The following ADARB1 variants were observed in gnomAD, a reference collection of about 807,000 sequenced individuals.
ADARB1 encodes adenosine deaminase RNA specific B1, also known as double-stranded RNA-specific editase 1.
A neutral mutation model predicts 52.4 loss-of-function variants in ADARB1; 10 were observed. The observed-to-expected ratio is 0.19, with a 90% CI of 0.12 to 0.32. The LOEUF is 0.32. Among genes scored for constraint, ADARB1 ranks in the 10% least tolerant of loss-of-function variants. ADARB1 has a pLI of 1.00. For missense variants in ADARB1, 643 were observed against 922.3 expected, an observed-to-expected ratio of 0.70 and a Z score of 3.92; for synonymous variants, 349 against 371.1, an observed-to-expected ratio of 0.94 and a Z score of 0.68.
intron 8 of ADARB1, among the ~76,000 whole-genome samples, chr21:45,198,046 G>A (rs1488243673): frequency 1.3e-5 from 2 of 152,098 alleles, no homozygotes; most frequent in African/African-American, 2.4e-5. Context: ...AGTAACTCCA[G>A]GGGAAGAAAT....
intron 2 of ADARB1, among the ~76,000 whole-genome samples, chr21:45,170,852 T>C (rs1467900692): frequency 6.6e-6 from 1 of 152,228 alleles, no homozygotes; most frequent in East Asian, 1.9e-4. Flanking sequence ...ACTCTTAAAT[T>C]TGTTAGTAAC....
intron 2 of ADARB1, chr21:45,144,856 T>A (rs2089928882): frequency 1.6e-5 from 3 of 191,468 alleles, no homozygotes; most frequent in South Asian, 1.7e-4. Context: ...TACTCTGACT[T>A]TCAAGAAACC....
At chr21:45,210,208 G>A (rs1020261062) in intron 9 of ADARB1, among the ~76,000 whole-genome samples, 4 of 152,198 alleles carry the variant, frequency 2.6e-5, no homozygotes, top group African/African-American at 4.8e-5. Context: ...TGCATACTGA[G>A]AGAACAACTT....
At chr21:45,097,538 A>G (rs2086817311) in intron 1 of ADARB1, among the ~76,000 whole-genome samples, 1 of 150,764 alleles carries the variant, frequency 6.6e-6, no homozygotes, top group African/African-American at 2.4e-5. Context: ...ACAGGTGGAG[A>G]GCAGACGCCG....
At position 45,222,801 on chromosome 21, in the gene ADARB1, C is replaced by A; in HGVS notation, c.*604C>A. 6.1e-6 allele frequency: 6 copies of A among 985,578 alleles called. No individual in the cohort carries two copies. The highest frequency in any genetic ancestry group is 7.2e-6 in the Non-Finnish European group (6 of 830,068). The allele number at this position is 985,578 out of a possible 1,614,324, so 61.1% of individuals were successfully genotyped here. The stretch of plus-strand genomic sequence containing the variant: ...GTTCCACACACTAGGTTGTAACAGT[C>A]TCTCCCTGAGGAGCAGACTCCCAGC... On this transcript the variant is annotated 3_prime_UTR_variant, in exon 11 of 11. Transcript: ENST00000348831.
chr21:45,206,734 C>T (rs2092675330), intron 9 of ADARB1, among the ~76,000 whole-genome samples: 1 of 151,934 alleles, frequency 6.6e-6, no homozygotes, highest in Non-Finnish European at 1.5e-5. Context: ...CCACCACAGC[C>T]AGCTAATTTT....
intron 1 of ADARB1, among the ~76,000 whole-genome samples, chr21:45,086,958 A>T (rs1018135605): frequency 1.3e-5 from 2 of 152,202 alleles, no homozygotes; most frequent in African/African-American, 4.8e-5. Flanking sequence ...TGCTTCTTGA[A>T]TTGTATGAGC....
intron 1 of ADARB1, among the ~76,000 whole-genome samples, chr21:45,106,561 C>T (rs1601367158): frequency 6.6e-6 from 1 of 152,214 alleles, no homozygotes; most frequent in South Asian, 2.1e-4. Flanking sequence ...TTCTCTTACT[C>T]TCCGGATGAG....
intron 8 of ADARB1, among the ~76,000 whole-genome samples, chr21:45,203,338 G>C (rs940123970): frequency 6.6e-6 from 1 of 152,176 alleles, no homozygotes; most frequent in African/African-American, 2.4e-5. Context: ...ATTCCTTCAA[G>C]TACATACACC....
intron 9 of ADARB1, among the ~76,000 whole-genome samples, chr21:45,219,728 A>G (rs190779640): frequency 6.6e-6 from 1 of 152,140 alleles, no homozygotes; most frequent in African/African-American, 2.4e-5. Flanking sequence ...ACCCTCACAC[A>G]CTTGCCCTTG....
intron 8 of ADARB1, among the ~76,000 whole-genome samples, chr21:45,190,772 G>C (rs2092259927): frequency 6.6e-6 from 1 of 152,198 alleles, no homozygotes. Context: ...AGTCTGATGA[G>C]ACTCAGGCAA....
chr21:45,117,187 G>C (rs948388428), intron 1 of ADARB1: 3 of 152,240 alleles, frequency 2.0e-5, no homozygotes, highest in African/African-American at 7.2e-5. Flanking sequence ...AGTTCTATCA[G>C]ATGCTCTTCC....
chr21:45,148,478 T>G (rs1601599348), intron 2 of ADARB1, among the ~76,000 whole-genome samples: 1 of 152,176 alleles, frequency 6.6e-6, no homozygotes, highest in Non-Finnish European at 1.5e-5. Flanking sequence ...TGGGCTCCCC[T>G]TTGCTGTAAT....
rs1355513858 is a variant in ADARB1 at position 45,176,363 on chromosome 21, C to T, written c.662C>T (p.Pro221Leu). Residue 221 changes from proline (P) to leucine (L), a missense_variant, in exon 4 of 11, where the codon CCT becomes CTT. Pro to Leu is a moderately conservative substitution (Grantham distance 98, BLOSUM62 -3). Transcript: ENST00000348831. The surrounding 1 kb of genome is among the most constrained non-coding windows in gnomAD (Gnocchi z 5.8). ...SPVPASLAQPPLPVLPPFPPP... is the reference protein window; with the variant it reads ...SPVPASLAQPLLPVLPPFPPP... ...GTGCCTGCCAGCCTAGCCCAGCCTCCTCTCCCTGTCTTACCACCATTCCCA... is the reference window on the plus strand; with the variant it reads ...GTGCCTGCCAGCCTAGCCCAGCCTCTTCTCCCTGTCTTACCACCATTCCCA... 4 of 1,614,090 alleles carry T rather than the reference C, an allele frequency of 2.5e-6. No individual in the cohort carries two copies. The highest frequency in any genetic ancestry group is 3.4e-6 in the Non-Finnish European group (4 of 1,180,038).
chr21:45,145,198 TCCCAAGAGGCCTCTGC>T (rs1201554121), intron 2 of ADARB1: 8 of 152,244 alleles, frequency 5.3e-5, no homozygotes, highest in Non-Finnish European at 1.2e-4. Context: ...AGGAACCAGA[TCCCAAGAGGCCTCTGC>T]CACTGAAAGG....
intron 1 of ADARB1, among the ~76,000 whole-genome samples, chr21:45,086,714 C>T (rs910588520): frequency 6.6e-5 from 10 of 152,206 alleles, no homozygotes; most frequent in Non-Finnish European, 2.9e-5. Flanking sequence ...TCCACTCCAG[C>T]GATGGACTTT....
At chr21:45,212,553 T>C (rs1333165246) in intron 9 of ADARB1, among the ~76,000 whole-genome samples, 1 of 152,116 alleles carries the variant, frequency 6.6e-6, no homozygotes, top group Non-Finnish European at 1.5e-5. Flanking sequence ...CTCCTACCAG[T>C]GCCTGTGATG....
chr21:45,167,404 T>C (rs1055283842), intron 2 of ADARB1, among the ~76,000 whole-genome samples: 1 of 152,226 alleles, frequency 6.6e-6, no homozygotes, highest in East Asian at 1.9e-4. Context: ...TGATTAATTA[T>C]GTATAAGAAT....
At chr21:45,117,576 A>G (rs937634879) in intron 1 of ADARB1, among the ~76,000 whole-genome samples, 6 of 127,986 alleles carry the variant, frequency 4.7e-5, no homozygotes, top group Non-Finnish European at 1.0e-4. Context: ...TTCACAGTTA[A>G]AAAAAAAAAA....
Sources: gnomAD v4.1 joint callset for allele counts (sites outside exome capture counted in the v4.1 genomes callset) on GRCh38, gnomAD v4.1.1 for gene constraint, Gnocchi (gnomAD v3.1) non-coding constraint, MANE v1.5 for transcripts, NCBI Gene and HGNC (gene_info 2026-07-23, HGNC 2026-07-21) for gene names.